Variants in LRP2 observed in about 807,000 individuals in gnomAD.
LRP2 encodes the protein LDL receptor related protein 2.
A neutral mutation model predicts 531.0 loss-of-function variants in LRP2; 172 were observed. The ratio of observed to expected loss-of-function variants is 0.32; its 90% CI spans 0.29 to 0.37. The LOEUF (loss-of-function observed/expected upper bound fraction) is 0.37, where lower values mean the gene tolerates loss of function less well. Among genes scored for constraint, LRP2 ranks in the 10% least tolerant of loss-of-function variants. The pLI is 1.00. For missense variants in LRP2, 5,167 were observed against 5,868.3 expected (o/e 0.88, Z 3.90); for synonymous variants, 1,992 against 2,027.6 (o/e 0.98, Z 0.47).
At position 169,360,128 on chromosome 2, in the gene LRP2, C is replaced by CAA. The variant is rs67818940; in HGVS notation, c.79+2191_79+2192dup. ...TGACAGAGCGAGATTCTGTCTCTCT[C>CAA]AAAAAAAAAAAAAAAAAAAAGAGAG... On this transcript the variant is annotated intron_variant, in intron 1 of 78. Transcript: ENST00000649046. 9.0e-3 allele frequency among the ~76,000 whole-genome samples: 943 copies of CAA among 104,880 alleles called. 11 individuals carry two copies. Among genetic ancestry groups the CAA allele is most frequent in the African/African-American group, 0.029 (684 of 23,696 alleles). The allele number at this position is 104,880 out of a possible 152,430, so 68.8% of individuals were successfully genotyped here. A position where few individuals can be genotyped will look rare whatever the true frequency, so the allele number is the denominator to read the frequency against.
intron 4 of LRP2, 111 bp from the exon 5 acceptor site, chr2:169,294,821 G>A: frequency 1.4e-6 from 1 of 698,570 alleles, no homozygotes; most frequent in Non-Finnish European, 2.5e-6. Flanking sequence ...GTCACTAAAT[G>A]CATATATTGA....
chr2:169,262,553 T>C (rs1437179359), intron 16 of LRP2, among the ~76,000 whole-genome samples: 4 of 149,582 alleles, frequency 2.7e-5, no homozygotes, highest in Non-Finnish European at 1.5e-5. Context: ...GTGAAGGACC[T>C]CTTCAAGAAG....
chr2:169,338,135 G>A (rs1407045686), intron 1 of LRP2, among the ~76,000 whole-genome samples: 11 of 150,552 alleles, frequency 7.3e-5, no homozygotes. Context: ...AGAAATGGGG[G>A]GAAGTAGGGA....
chr2:169,133,123 T>C (rs968141403), intron 76 of LRP2, among the ~76,000 whole-genome samples: 2 of 152,226 alleles, frequency 1.3e-5, no homozygotes, highest in African/African-American at 2.4e-5. Flanking sequence ...ATAATTTCTT[T>C]GAATATTAAT....
At chr2:169,216,854 A>T (rs960634638) in intron 34 of LRP2, among the ~76,000 whole-genome samples, 3 of 152,170 alleles carry the variant, frequency 2.0e-5, no homozygotes, top group Non-Finnish European at 4.4e-5. Flanking sequence ...ATTATTCCCC[A>T]AATCACCATC....
At chr2:169,316,331 C>G (rs917862317) in intron 3 of LRP2, among the ~76,000 whole-genome samples, 1 of 152,052 alleles carries the variant, frequency 6.6e-6, no homozygotes, top group East Asian at 1.9e-4. Flanking sequence ...ATTGTGATAG[C>G]CTTTTCATGT....
chr2:169,134,216 T>G (rs985486238), intron 76 of LRP2, among the ~76,000 whole-genome samples: 2 of 150,542 alleles, frequency 1.3e-5, no homozygotes, highest in African/African-American at 4.8e-5. Context: ...CTTTAATACT[T>G]TTAGAGGCCC....
intron 68 of LRP2, among the ~76,000 whole-genome samples, chr2:169,148,718 A>G (rs74591837): frequency 0.02 from 3,085 of 152,334 alleles, 38 homozygotes; most frequent in Non-Finnish European, 0.03. Flanking sequence ...AATGGAATGG[A>G]AAAAACACAC....
At chr2:169,357,293 TA>T (rs1553517819) in intron 1 of LRP2, among the ~76,000 whole-genome samples, 2 of 24,562 alleles carry the variant, frequency 8.1e-5, no homozygotes, top group African/African-American at 1.5e-4. Flanking sequence ...TATTTATTTT[TA>T]TTTTATTTTA....
Position 169,204,113 on chromosome 2 carries a change from C to T in LRP2, c.7874G>A (p.Gly2625Asp), listed in dbSNP as rs745794041. The change falls in exon 42 of 79, where the codon GGT becomes GAT. Residue 2625 changes from glycine (G) to aspartate (D), a missense_variant. Coordinates refer to ENST00000649046, the MANE Select transcript of LRP2 (RefSeq NM_004525.3). ...IYRANKYDGS[G>D]QIAMTTNLLS... ...CAAATTTGTGGTCATTGCAATCTGA[C>T]CTGACCCGTCATATTTGTTAGCTCG... The T allele has an allele frequency of 2.1e-4, 345 of 1,614,034 alleles. No homozygotes were observed. The highest frequency in any genetic ancestry group is 2.8e-4 in the Non-Finnish European group (326 of 1,180,038).
intron 24 of LRP2, among the ~76,000 whole-genome samples, chr2:169,242,188 C>T (rs993084354): frequency 5.3e-5 from 8 of 151,834 alleles, no homozygotes; most frequent in African/African-American, 1.7e-4. Context: ...TGAAAACTTA[C>T]TTTTTTGGTC....
intron 14 of LRP2, among the ~76,000 whole-genome samples, chr2:169,273,946 A>C (rs541281691): frequency 1.3e-5 from 2 of 152,144 alleles, no homozygotes; most frequent in Non-Finnish European, 2.9e-5. Flanking sequence ...ATTTCCAAAA[A>C]TGTTTTCAGA....
In LRP2 at chr2:169,241,377, A is replaced by G. The variant is rs566942219; in HGVS notation, c.3668-12T>C. On this transcript the variant is annotated splice_polypyrimidine_tract_variant and intron_variant, in intron 24 of 78. Transcript: ENST00000649046. ...AGGAGGCCTGGTTGCTAGAAGGAAA[A>G]CATGGGGTAAATCGGCTTGTGAATG... 7.8e-5 allele frequency: 126 copies of G among 1,613,982 alleles called. 4 individuals carry two copies. In the South Asian group the frequency reaches 1.3e-3, roughly 17 times the overall value.
rs888202730 is a variant in LRP2, at chr2:169,181,616, T to C, written c.10001A>G (p.Tyr3334Cys). ...GTGACCCCAGTCTGCCCAGTAGAGGTACCTGTCAGGGCAAACACAAAGGGT... is the reference window on the plus strand; with the variant it reads ...GTGACCCCAGTCTGCCCAGTAGAGGCACCTGTCAGGGCAAACACAAAGGGT... ...RGLALHPQYGYLYWADWGHRA... is the reference protein window; with the variant it reads ...RGLALHPQYGCLYWADWGHRA... Residue 3334 changes from tyrosine (Y) to cysteine (C), a missense_variant and splice_region_variant, in exon 52 of 79, where the codon TAC becomes TGC. Tyr to Cys is a radical substitution (Grantham distance 194). This residue lies in a region of LRP2 where 1,129 missense variants were observed against 1,362.7 expected (regional missense o/e 0.83). Coordinates refer to ENST00000649046, the MANE Select transcript of LRP2 (RefSeq NM_004525.3). 4 of 1,614,028 alleles carry C rather than the reference T, an allele frequency of 2.5e-6. No individual in the cohort carries two copies. The highest frequency in any genetic ancestry group is 1.3e-5 in the African/African-American group (1 of 74,994).
chr2:169,309,094 T>C (rs1684514002), intron 3 of LRP2, among the ~76,000 whole-genome samples: 2 of 152,208 alleles, frequency 1.3e-5, no homozygotes, highest in Non-Finnish European at 2.9e-5. Context: ...TGTACATTTG[T>C]TTAAGTTCTT....
At chr2:169,171,743 A>T (rs1177713845) in intron 58 of LRP2, among the ~76,000 whole-genome samples, 1 of 152,214 alleles carries the variant, frequency 6.6e-6, no homozygotes, top group Non-Finnish European at 1.5e-5. Context: ...TTGGAAAAAA[A>T]AGTTGGATGT....
At chr2:169,299,357 C>A (rs1379144659) in intron 4 of LRP2, among the ~76,000 whole-genome samples, 2 of 151,960 alleles carry the variant, frequency 1.3e-5, no homozygotes, top group Non-Finnish European at 2.9e-5. Flanking sequence ...CTAACTGGGT[C>A]TTAAGCCTGA....
chr2:169,340,050 G>A (rs1401630911), intron 1 of LRP2, among the ~76,000 whole-genome samples: 4 of 151,992 alleles, frequency 2.6e-5, no homozygotes, highest in South Asian at 2.1e-4. Flanking sequence ...TGGTGCATAC[G>A]ATATATCTAC....
chr2:169,299,167 GAAAGAAAA>G (rs1684224067), intron 4 of LRP2, among the ~76,000 whole-genome samples: 1 of 14,574 alleles, frequency 6.9e-5, no homozygotes, highest in Non-Finnish European at 2.7e-4. Flanking sequence ...AAAAAAGAAA[GAAAGAAAA>G]AGAAAGAAAG....
Sources: gnomAD v4.1 joint callset for allele counts (sites outside exome capture counted in the v4.1 genomes callset) on GRCh38, gnomAD v4.1.1 for gene constraint, gnomAD v4.1.1 regional missense constraint, MANE v1.5 for transcripts, NCBI Gene and HGNC (gene_info 2026-07-23, HGNC 2026-07-21) for gene names.